The following STRBP variants were observed in gnomAD, a reference collection of about 807,000 sequenced individuals.
STRBP encodes the protein spermatid perinuclear RNA binding protein.
Under a neutral mutation model 80.1 loss-of-function variants are expected in STRBP, and 13 were observed. The observed-to-expected ratio is 0.16, with a 90% CI of 0.11 to 0.26. The LOEUF (loss-of-function observed/expected upper bound fraction) is 0.26. Among genes scored for constraint, STRBP ranks in the 10% least tolerant of loss-of-function variants. The pLI is 1.00. For missense variants in STRBP, 485 were observed against 815.2 expected (o/e 0.59, Z 4.93); for synonymous variants, 284 against 291.2 (o/e 0.98, Z 0.25).
At chr9:123,254,002 G>T (rs140340992) in intron 1 of STRBP, among the ~76,000 whole-genome samples, 4 of 152,010 alleles carry the variant, frequency 2.6e-5, no homozygotes, top group Non-Finnish European at 5.9e-5. Context: ...AAACTGAATC[G>T]TTCAGTTTAA....
At chr9:123,218,404 C>T (rs1018031310) in intron 2 of STRBP, among the ~76,000 whole-genome samples, 3 of 141,980 alleles carry the variant, frequency 2.1e-5, no homozygotes, top group Admixed American at 7.0e-5. Context: ...GCTCTGTCGC[C>T]CAGGCCGGAC....
chr9:123,226,670 T>C (rs1190350374), intron 2 of STRBP, among the ~76,000 whole-genome samples: 1 of 152,148 alleles, frequency 6.6e-6, no homozygotes, highest in African/African-American at 2.4e-5. Flanking sequence ...GAATGGTTAC[T>C]ATGTGCCACG....
chr9:123,206,152 T>C (rs1201598989), intron 2 of STRBP, among the ~76,000 whole-genome samples: 2 of 152,182 alleles, frequency 1.3e-5, no homozygotes, highest in African/African-American at 4.8e-5. Context: ...TATACCTAGA[T>C]TACTTTTTAC....
In STRBP at chr9:123,132,764, A is replaced by C. The variant is rs2036191204; in HGVS notation, c.1897+81T>G. 2.6e-6 allele frequency: 4 copies of C among 1,561,500 alleles called. No homozygotes were observed. The East Asian group carries it at 9.1e-5, about 35-fold the overall frequency. ...TGTTATATTTCCACAAACCCTGTAC[A>C]ACCTTAGAAAATGCAGGAGATGCTA... On this transcript the variant is annotated intron_variant, in intron 17 of 18. Transcript: ENST00000348403.
At chr9:123,213,593 G>C (rs1419502507) in intron 2 of STRBP, 1 of 152,216 alleles carries the variant, frequency 6.6e-6, no homozygotes, top group Non-Finnish European at 1.5e-5. Flanking sequence ...ACTTACCTGA[G>C]ATCAAGCAGC....
intron 1 of STRBP, among the ~76,000 whole-genome samples, chr9:123,259,366 G>A (rs906493666): frequency 6.6e-6 from 1 of 152,192 alleles, no homozygotes; most frequent in Non-Finnish European, 1.5e-5. Context: ...AGAGATGTCA[G>A]GTAGGCAGTA....
chr9:123,226,235 AACTGACTACATGGC>A (rs1311626957), intron 2 of STRBP, among the ~76,000 whole-genome samples: 1 of 152,206 alleles, frequency 6.6e-6, no homozygotes, highest in Non-Finnish European at 1.5e-5. Context: ...GAAGAGAGGG[AACTGACTACATGGC>A]ACTGAAAGGA....
intron 6 of STRBP, among the ~76,000 whole-genome samples, chr9:123,167,625 A>G (rs919121253): frequency 6.6e-6 from 1 of 152,102 alleles, no homozygotes; most frequent in Non-Finnish European, 1.5e-5. Flanking sequence ...TAAGGACAAC[A>G]GCAAAGCAAA....
intron 6 of STRBP, among the ~76,000 whole-genome samples, chr9:123,161,481 A>C (rs1254367066): frequency 5.3e-5 from 8 of 152,202 alleles, no homozygotes; most frequent in Non-Finnish European, 1.0e-4. Flanking sequence ...AGAAATTTTA[A>C]TCTCTAACCA....
chr9:123,235,747 A>T (rs2132592254), intron 2 of STRBP, among the ~76,000 whole-genome samples: 1 of 152,284 alleles, frequency 6.6e-6, no homozygotes, highest in African/African-American at 2.4e-5. Flanking sequence ...ATGGAAAATT[A>T]AATTGAAGTC....
At chr9:123,192,969 T>C (rs1355193896) in intron 2 of STRBP, among the ~76,000 whole-genome samples, 2 of 152,202 alleles carry the variant, frequency 1.3e-5, no homozygotes, top group African/African-American at 4.8e-5. Flanking sequence ...AATGACTCTA[T>C]GCCAGAACAC....
At chr9:123,175,031 G>A (rs988971176) in intron 4 of STRBP, among the ~76,000 whole-genome samples, 1 of 152,140 alleles carries the variant, frequency 6.6e-6, no homozygotes, top group Non-Finnish European at 1.5e-5. Flanking sequence ...CTATTTAAAA[G>A]GGGAAGAGAA....
chr9:123,176,471 T>G (rs945745368), intron 4 of STRBP, among the ~76,000 whole-genome samples: 19 of 152,240 alleles, frequency 1.2e-4, no homozygotes, highest in Admixed American at 8.5e-4. Flanking sequence ...AGTTAAAGTT[T>G]GTTAATGATT....
chr9:123,131,475 C>A (rs2036134814), intron 17 of STRBP, among the ~76,000 whole-genome samples: 1 of 152,236 alleles, frequency 6.6e-6, no homozygotes, highest in East Asian at 1.9e-4. Flanking sequence ...AACAGCAACA[C>A]AAGGTCTCTG....
chr9:123,179,340 C>T, intron 3 of STRBP, 113 bp from the exon 4 acceptor site: 1 of 866,968 alleles, frequency 1.2e-6, no homozygotes, highest in Non-Finnish European at 1.7e-6. Context: ...TACTGTGAAA[C>T]AGTTAATACT....
intron 17 of STRBP, among the ~76,000 whole-genome samples, chr9:123,132,620 A>T (rs2036183780): frequency 6.6e-6 from 1 of 152,162 alleles, no homozygotes; most frequent in African/African-American, 2.4e-5. Flanking sequence ...AACCAAATGC[A>T]ATTTGCTCAT....
chr9:123,222,177 C>CT (rs56900010), intron 2 of STRBP, among the ~76,000 whole-genome samples: 8,480 of 144,324 alleles, frequency 0.059, 828 homozygotes, highest in African/African-American at 0.2. Flanking sequence ...GCAGTGTTTT[C>CT]TTTTTTTTTT....
chr9:123,246,023 C>T (rs1246091322), intron 1 of STRBP, among the ~76,000 whole-genome samples: 6 of 152,166 alleles, frequency 3.9e-5, no homozygotes, highest in African/African-American at 9.7e-5. Context: ...GTAGGTTCAC[C>T]TTTATCTGTG....
intron 11 of STRBP, among the ~76,000 whole-genome samples, chr9:123,150,826 A>C (rs1245920241): frequency 6.6e-6 from 1 of 152,140 alleles, no homozygotes; most frequent in Non-Finnish European, 1.5e-5. Context: ...AATGTTATAC[A>C]CTAGAAGTAA....
Sources: gnomAD v4.1 joint callset for allele counts (sites outside exome capture counted in the v4.1 genomes callset) on GRCh38, gnomAD v4.1.1 for gene constraint, MANE v1.5 for transcripts, NCBI Gene and HGNC (gene_info 2026-07-23, HGNC 2026-07-21) for gene names.